Variants in TBC1D9 observed in about 807,000 individuals in gnomAD.
The protein encoded by TBC1D9 is TBC1 domain family member 9A.
Under a neutral mutation model 132.0 loss-of-function variants are expected in TBC1D9, and 63 were observed. The ratio of observed to expected loss-of-function variants is 0.48; its 90% CI spans 0.39 to 0.59. TBC1D9 has a LOEUF of 0.59. Ranked by LOEUF, TBC1D9 falls within the 20% of genes least tolerant of loss-of-function variation. The pLI is 0.00. For missense variants in TBC1D9, 1,261 were observed against 1,592.7 expected (o/e 0.79, Z 3.54); for synonymous variants, 610 against 609.9 (o/e 1.00, Z 0.00).
chr4:140,721,954 C>A (rs1229528020), intron 1 of TBC1D9, among the ~76,000 whole-genome samples: 4 of 152,174 alleles, frequency 2.6e-5, no homozygotes, highest in African/African-American at 9.7e-5. Context: ...CCTTACCAGA[C>A]TCCATGCCTA....
chr4:140,721,709 G>T (rs1054624045), intron 1 of TBC1D9, among the ~76,000 whole-genome samples: 1 of 151,954 alleles, frequency 6.6e-6, no homozygotes, highest in South Asian at 2.1e-4. Flanking sequence ...AGTATTCTCC[G>T]TAATCCCCAT....
Position 140,621,694 on chromosome 4 carries a change from T to G in TBC1D9, c.*501A>C, listed in dbSNP as rs1736616407. The G allele has an allele frequency of 6.6e-6, 1 of 152,284 alleles. No homozygotes were observed. The highest frequency in any genetic ancestry group is 1.5e-5 in the Non-Finnish European group (1 of 68,072). The allele number at this position is 152,284 out of a possible 1,614,324, so 9.4% of individuals were successfully genotyped here. ...AAATATATTTCAAATCTTAAAAATA[T>G]TTTTAATACTTCCTAAAGTGGTATA... On this transcript the variant is annotated 3_prime_UTR_variant, in exon 21 of 21. Coordinates refer to ENST00000442267, the MANE Select transcript of TBC1D9 (RefSeq NM_015130.3).
chr4:140,745,815 A>C (rs1026455234), intron 1 of TBC1D9, among the ~76,000 whole-genome samples: 1 of 152,120 alleles, frequency 6.6e-6, no homozygotes, highest in African/African-American at 2.4e-5. Context: ...AAGCACTACT[A>C]GTTGCAACTT....
chr4:140,678,825 A>C, intron 5 of TBC1D9, 117 bp downstream of exon 5: 1 of 1,276,298 alleles, frequency 7.8e-7, no homozygotes, highest in Non-Finnish European at 1.1e-6. Flanking sequence ...TTTTGTATCT[A>C]TACACAGAAG....
At chr4:140,626,720 T>C (rs1054786548) in intron 18 of TBC1D9, among the ~76,000 whole-genome samples, 1 of 152,222 alleles carries the variant, frequency 6.6e-6, no homozygotes, top group Non-Finnish European at 1.5e-5. Context: ...ATCACATCTT[T>C]GTAGACCTAT....
intron 1 of TBC1D9, among the ~76,000 whole-genome samples, chr4:140,724,686 T>A (rs1293745707): frequency 6.8e-6 from 1 of 147,514 alleles, no homozygotes; most frequent in Non-Finnish European, 1.5e-5. Flanking sequence ...AAAAGGCTCA[T>A]GTACCTAATA....
At chr4:140,713,597 G>A (rs1256733514) in intron 1 of TBC1D9, among the ~76,000 whole-genome samples, 2 of 152,020 alleles carry the variant, frequency 1.3e-5, no homozygotes, top group East Asian at 3.9e-4. Context: ...AATTAAGCAA[G>A]GTGTAGTGGT....
At chr4:140,704,275 C>A (rs569732391) in intron 1 of TBC1D9, among the ~76,000 whole-genome samples, 1 of 152,082 alleles carries the variant, frequency 6.6e-6, no homozygotes, top group South Asian at 2.1e-4. Flanking sequence ...ATGGTGTGCA[C>A]CTGTAATCCC....
In TBC1D9 at chr4:140,633,932, AG is replaced by A; in HGVS notation, c.2746+15del. 1.2e-6 allele frequency: 2 copies of A among 1,613,292 alleles called. No homozygotes were observed. Among genetic ancestry groups the A allele is most frequent in the East Asian group, 2.2e-5 (1 of 44,884 alleles). ...AGCATCCCATCCCAACTCATGCAAT[AG>A]TACCACGTCCTTACTTAGCCCAGAG... On this transcript the variant is annotated intron_variant, in intron 16 of 20. Transcript: ENST00000442267.
intron 20 of TBC1D9, among the ~76,000 whole-genome samples, chr4:140,623,154 G>A (rs1408783460): frequency 7.2e-5 from 11 of 151,938 alleles, no homozygotes; most frequent in Non-Finnish European, 1.2e-4. Flanking sequence ...GTGCAATCAC[G>A]GTTCACTGCA....
chr4:140,753,430 G>T (rs577684872), intron 1 of TBC1D9, among the ~76,000 whole-genome samples: 47 of 152,244 alleles, frequency 3.1e-4, no homozygotes, highest in African/African-American at 1.1e-3. Context: ...GGGATGGGAG[G>T]CAGTGGCAGA....
chr4:140,747,865 C>T (rs931334858), intron 1 of TBC1D9, among the ~76,000 whole-genome samples: 4 of 152,294 alleles, frequency 2.6e-5, no homozygotes, highest in African/African-American at 4.8e-5. Context: ...TAGGCAAATC[C>T]ACTCAAGTTA....
At chr4:140,639,946 T>C (rs1486993905) in intron 13 of TBC1D9, among the ~76,000 whole-genome samples, 1 of 152,210 alleles carries the variant, frequency 6.6e-6, no homozygotes, top group Non-Finnish European at 1.5e-5. Flanking sequence ...CCTAAATGTT[T>C]GTTGTCAAAA....
rs773213762 is a variant in TBC1D9, at chr4:140,622,338, G to A, written c.3658C>T (p.Leu1220Phe). ...TTGACCAGGGCAGGCTCAGTTAAGA[G>A]GGAGGCCAGGAACTGCTCGAAGGTG... ...AITFEQFLAS[L>F]LTEPALVKYF... Residue 1220 changes from leucine to phenylalanine, a missense_variant, in exon 21 of 21, where the codon CTC (leucine) becomes TTC (phenylalanine). Leu to Phe is a conservative substitution (Grantham distance 22). Around this residue, in one of 3 missense-constraint regions of TBC1D9, gnomAD observed 618 missense variants for 724.4 expected, o/e 0.85. Coordinates refer to ENST00000442267, the MANE Select transcript of TBC1D9 (RefSeq NM_015130.3). 1 of 1,613,760 alleles carries A rather than the reference G, an allele frequency of 6.2e-7. No homozygotes were observed. The highest frequency in any genetic ancestry group is 1.7e-4 in the Middle Eastern group (1 of 6,056).
intron 9 of TBC1D9, among the ~76,000 whole-genome samples, chr4:140,664,526 G>C (rs1464148012): frequency 6.6e-6 from 1 of 152,072 alleles, no homozygotes; most frequent in Non-Finnish European, 1.5e-5. Flanking sequence ...ACTCAAAAAA[G>C]GACAAGAAAA....
At chr4:140,680,903 TTAG>T (rs1284485771) in intron 3 of TBC1D9, among the ~76,000 whole-genome samples, 1 of 152,216 alleles carries the variant, frequency 6.6e-6, no homozygotes, top group Non-Finnish European at 1.5e-5. Context: ...ACCAAAATAC[TTAG>T]TGGTTTCTAA....
chr4:140,666,493 G>A (rs1040023958), intron 9 of TBC1D9, among the ~76,000 whole-genome samples: 4 of 152,008 alleles, frequency 2.6e-5, no homozygotes, highest in Admixed American at 1.3e-4. Context: ...CCGCCACCGC[G>A]CCCATCTAAT....
At chr4:140,647,256 G>A (rs1345939966) in intron 13 of TBC1D9, among the ~76,000 whole-genome samples, 2 of 152,298 alleles carry the variant, frequency 1.3e-5, no homozygotes, top group South Asian at 2.1e-4. Context: ...TTTTGCGAAT[G>A]GGCAAACCAA....
chr4:140,642,838 T>G (rs6537003), intron 13 of TBC1D9: 442,080 of 582,920 alleles, frequency 0.76, 168,657 homozygotes, highest in African/African-American at 0.86. Context: ...GCGACAGGGC[T>G]CTCGGGGGCG....
Sources: allele counts gnomAD v4.1 joint callset (sites outside exome capture counted in the v4.1 genomes callset), GRCh38; gene constraint gnomAD v4.1.1; regional missense constraint gnomAD v4.1.1; transcripts MANE v1.5; gene names NCBI Gene and HGNC (gene_info 2026-07-23, HGNC 2026-07-21).